Variants in CSMD1 observed in about 807,000 individuals in gnomAD.
The protein encoded by CSMD1 is CUB and sushi domain-containing protein 1.
A neutral mutation model predicts 417.5 loss-of-function variants in CSMD1; 213 were observed. That is an observed-to-expected ratio of 0.51 (90% CI 0.46 to 0.57). The LOEUF is 0.57. Among genes scored for constraint, CSMD1 ranks in the 20% least tolerant of loss-of-function variants. CSMD1 has a pLI of 0.00. For missense variants in CSMD1, 6,923 were observed against 4,529.7 expected, an observed-to-expected ratio of 1.53 and a Z score of -15.17; for synonymous variants, 2,862 against 1,736.8, an observed-to-expected ratio of 1.65 and a Z score of -16.11.
intron 21 of CSMD1, among the ~76,000 whole-genome samples, chr8:3,354,652 T>A (rs1262944865): frequency 1.3e-5 from 2 of 152,002 alleles, no homozygotes; most frequent in Non-Finnish European, 2.9e-5. Flanking sequence ...ACCTTTATTT[T>A]TACAATTTAG....
At position 4,036,223 on chromosome 8, in the gene CSMD1, A is replaced by C. The variant is rs150560544; in HGVS notation, c.416-4124T>G. On this transcript the variant is annotated intron_variant, in intron 3 of 69. Transcript: ENST00000635120. ...AAAATCACCTAAGGATGCATTTCTC[A>C]GAATGCATCCCAGTTGTTAAGTCAT... 1.3e-3 allele frequency among the ~76,000 whole-genome samples: 198 copies of C among 152,316 alleles called. 1 individual carries two copies. The highest frequency in any genetic ancestry group is 4.4e-3 in the African/African-American group (182 of 41,576).
chr8:3,313,582 G>C (rs140053951), intron 23 of CSMD1, among the ~76,000 whole-genome samples: 1 of 152,320 alleles, frequency 6.6e-6, no homozygotes, highest in East Asian at 1.9e-4. Context: ...ACACGAGTTA[G>C]AATGGCAAGC....
chr8:4,396,852 A>G (rs999245943), intron 3 of CSMD1, among the ~76,000 whole-genome samples: 2 of 152,092 alleles, frequency 1.3e-5, no homozygotes, highest in East Asian at 1.9e-4. Context: ...AGGCATAAGA[A>G]TGATACAACA....
intron 41 of CSMD1, among the ~76,000 whole-genome samples, chr8:3,129,680 A>AT (rs1288652744): frequency 6.0e-5 from 9 of 150,000 alleles, no homozygotes; most frequent in Non-Finnish European, 1.2e-4. Context: ...CAACAAAACC[A>AT]TTTTTTAAAA....
intron 26 of CSMD1, among the ~76,000 whole-genome samples, chr8:3,283,509 A>G (rs1446852178): frequency 6.6e-6 from 1 of 150,448 alleles, no homozygotes; most frequent in Non-Finnish European, 1.5e-5. Context: ...ATTCCCTAAA[A>G]CAAAATTTTC....
rs573217881 is a variant in CSMD1, at chr8:3,713,844, G to A, written c.932-5353C>T. ...AATTCAGAGTTTGGGAGAAATGGGT[G>A]AAAAATATAAATCTTGTGTCTTCAA... On this transcript the variant is annotated intron_variant, in intron 6 of 69. Transcript: ENST00000635120. Among the ~76,000 whole-genome samples the A allele has an allele frequency of 3.9e-5, 6 of 152,266 alleles. No individual in the cohort carries two copies. The East Asian group carries it at 1.2e-3, about 29-fold the overall frequency.
chr8:3,069,421 T>G (rs1813175198), intron 49 of CSMD1, among the ~76,000 whole-genome samples: 1 of 148,916 alleles, frequency 6.7e-6, no homozygotes, highest in African/African-American at 2.5e-5. Context: ...GGTGACAGAG[T>G]GAGACTCTGT....
chr8:4,765,018 T>C (rs992719386), intron 1 of CSMD1, among the ~76,000 whole-genome samples: 1 of 152,150 alleles, frequency 6.6e-6, no homozygotes, highest in Non-Finnish European at 1.5e-5. Context: ...ATTTCTTGTT[T>C]AATTAAGCAA....
chr8:4,122,267 G>C (rs987589914), intron 3 of CSMD1, among the ~76,000 whole-genome samples: 1 of 152,062 alleles, frequency 6.6e-6, no homozygotes, highest in Non-Finnish European at 1.5e-5. Context: ...CATTTCTTAA[G>C]ACCTGGTTAT....
At chr8:3,617,790 T>C (rs775331232) in intron 7 of CSMD1, among the ~76,000 whole-genome samples, 57 of 152,188 alleles carry the variant, frequency 3.7e-4, no homozygotes, top group Non-Finnish European at 6.8e-4. Context: ...AACATTCTGT[T>C]GTATTTATTA....
intron 5 of CSMD1, among the ~76,000 whole-genome samples, chr8:3,887,818 G>A (rs2688383): frequency 0.72 from 109,998 of 152,094 alleles, 40,003 homozygotes; most frequent in Admixed American, 0.79. Flanking sequence ...GTCTGCCTCC[G>A]TTTGTTCATC....
chr8:4,042,345 G>A (rs542554495), intron 3 of CSMD1, among the ~76,000 whole-genome samples: 1 of 152,094 alleles, frequency 6.6e-6, no homozygotes, highest in South Asian at 2.1e-4. Context: ...GCCAGGTGAT[G>A]CCTCTTCAGA....
chr8:4,161,762 G>C (rs972422), intron 3 of CSMD1, among the ~76,000 whole-genome samples: 72,474 of 151,948 alleles, frequency 0.48, 17,587 homozygotes, highest in Non-Finnish European at 0.52. Context: ...CAGTTTCAAG[G>C]AATCAGATAT....
chr8:3,648,920 A>G (rs140386562), intron 7 of CSMD1, among the ~76,000 whole-genome samples: 27 of 152,318 alleles, frequency 1.8e-4, no homozygotes, highest in African/African-American at 5.8e-4. Flanking sequence ...AAGTGTAACA[A>G]CAGCTATTTT....
chr8:4,884,750 C>T (rs939083750), intron 1 of CSMD1, among the ~76,000 whole-genome samples: 2 of 152,050 alleles, frequency 1.3e-5, no homozygotes, highest in African/African-American at 4.8e-5. Flanking sequence ...TAAGTCACTG[C>T]AACTCTGTCT....
rs549439437 is a variant in CSMD1 at position 3,537,164 on chromosome 8, C to A, written c.1344+37781G>T. Among the ~76,000 whole-genome samples, 349 of 152,146 alleles carry A rather than the reference C, an allele frequency of 2.3e-3. 6 individuals carry two copies. The highest frequency in any genetic ancestry group is 0.021 in the Admixed American group (326 of 15,280). On this transcript the variant is annotated intron_variant, in intron 10 of 69. Coordinates refer to ENST00000635120, the MANE Select transcript of CSMD1 (RefSeq NM_033225.6). ...GACTACAGGTGCCCGCCACCACGCC[C>A]AGCTAATTTGTTGTATTTTAAGAGA...
At chr8:4,363,531 G>A (rs761616344) in intron 3 of CSMD1, among the ~76,000 whole-genome samples, 6 of 152,124 alleles carry the variant, frequency 3.9e-5, no homozygotes, top group Non-Finnish European at 7.4e-5. Flanking sequence ...AGAAAGAAGA[G>A]CAATAACTCC....
chr8:4,814,990 T>C (rs1055567046), intron 1 of CSMD1, among the ~76,000 whole-genome samples: 1 of 152,148 alleles, frequency 6.6e-6, no homozygotes, highest in African/African-American at 2.4e-5. Context: ...TAAATCATTT[T>C]CCGTTTTTTA....
chr8:4,104,957 A>G (rs6986954), intron 3 of CSMD1, among the ~76,000 whole-genome samples: 89,380 of 151,948 alleles, frequency 0.59, 26,651 homozygotes, highest in African/African-American at 0.65. Flanking sequence ...GCTCACAGCC[A>G]CTGCCAATTC....
Sources: gnomAD v4.1 joint callset for allele counts (sites outside exome capture counted in the v4.1 genomes callset) on GRCh38, gnomAD v4.1.1 for gene constraint, MANE v1.5 for transcripts, NCBI Gene and HGNC (gene_info 2026-07-23, HGNC 2026-07-21) for gene names.